IL1RAPL1: variants seen among roughly 807,000 people sequenced by gnomAD.
The protein encoded by IL1RAPL1 is interleukin 1 receptor accessory protein like 1.
Under a neutral mutation model 48.4 loss-of-function variants are expected in IL1RAPL1, and 3 were observed. The observed-to-expected ratio is 0.06, with a 90% confidence interval of 0.03 to 0.16. IL1RAPL1 has a LOEUF of 0.16. IL1RAPL1 is among the 10% of genes least tolerant of loss of function. IL1RAPL1 has a pLI of 1.00. For synonymous variants in IL1RAPL1, 185 were observed against 187.7 expected (o/e 0.99, Z 0.12); for missense variants, 349 against 530.6 (o/e 0.66, Z 3.36).
At chrX:29,260,423 G>C (rs1249649576) in intron 2 of IL1RAPL1, among the ~76,000 whole-genome samples, 1 of 112,079 alleles carries the variant, frequency 8.9e-6, no homozygotes, top group East Asian at 2.8e-4. Context: ...GCAAAGTCAT[G>C]TCTTACATGG....
chrX:29,040,048 T>C (rs1926812912), intron 2 of IL1RAPL1, among the ~76,000 whole-genome samples: 1 of 112,150 alleles, frequency 8.9e-6, no homozygotes, highest in African/African-American at 3.2e-5. Context: ...ATCAGGGGCC[T>C]AGATTTAAAA....
intron 2 of IL1RAPL1, among the ~76,000 whole-genome samples, chrX:28,826,854 A>G (rs985063455): frequency 3.6e-5 from 4 of 110,895 alleles, no homozygotes; most frequent in African/African-American, 1.3e-4. Flanking sequence ...GCTTCCCTAC[A>G]CCATAGTAGT....
intron 1 of IL1RAPL1, among the ~76,000 whole-genome samples, chrX:28,785,009 A>G (rs889034395): frequency 1.8e-5 from 2 of 112,117 alleles, no homozygotes; most frequent in Non-Finnish European, 1.9e-5. Flanking sequence ...TTTGAAAAAC[A>G]TTCAAAAACA....
At position 28,819,967 on chromosome X, in the gene IL1RAPL1, G is replaced by GATATATAT. The variant is rs764635166; in HGVS notation, c.82+30582_82+30589dup. Among the ~76,000 whole-genome samples, 68 of 26,736 alleles carry GATATATAT rather than the reference G, an allele frequency of 2.5e-3. 1 individual carries two copies. The highest frequency in any genetic ancestry group is 5.7e-3 in the Non-Finnish European group (62 of 10,920). The allele number at this position is 26,736 out of a possible 115,157, so 23.2% of individuals were successfully genotyped here. On this transcript the variant is annotated intron_variant, in intron 2 of 10. Transcript: ENST00000378993. ...TTTGTGATTACTGCATAAACATAGTGATATATATATATATATATATATATA... is the reference window on the plus strand; with the variant it reads ...TTTGTGATTACTGCATAAACATAGTGATATATATATATATATATATATATATATATATA...
At chrX:29,014,354 A>G (rs1317096196) in intron 2 of IL1RAPL1, among the ~76,000 whole-genome samples, 1 of 111,689 alleles carries the variant, frequency 9.0e-6, no homozygotes, top group Non-Finnish European at 1.9e-5. Flanking sequence ...ATATTTTTAA[A>G]TTTTTATCTT....
chrX:29,024,056 A>T (rs766673614), intron 2 of IL1RAPL1, among the ~76,000 whole-genome samples: 1 of 111,891 alleles, frequency 8.9e-6, no homozygotes, highest in Admixed American at 9.5e-5. Context: ...CATTTCATGT[A>T]ATTTATCAAA....
At chrX:29,109,842 G>T (rs775458170) in intron 2 of IL1RAPL1, among the ~76,000 whole-genome samples, 1 of 112,029 alleles carries the variant, frequency 8.9e-6, no homozygotes, top group South Asian at 3.7e-4. Context: ...CTGCAGTTCA[G>T]TTTGCTTCAA....
At chrX:29,033,130 T>C (rs967595482) in intron 2 of IL1RAPL1, among the ~76,000 whole-genome samples, 6 of 111,506 alleles carry the variant, frequency 5.4e-5, no homozygotes, top group Admixed American at 2.9e-4. Flanking sequence ...AAGTTCCTAA[T>C]TTTAATAAAT....
chrX:28,913,113 AT>A (rs1173467158), intron 2 of IL1RAPL1, among the ~76,000 whole-genome samples: 2 of 111,801 alleles, frequency 1.8e-5, no homozygotes, highest in African/African-American at 6.5e-5. Flanking sequence ...CTAATGAGCA[AT>A]GTAATGATCC....
In IL1RAPL1 at chrX:29,053,317, T is replaced by C. The variant is rs1298725225; in HGVS notation, c.83-229621T>C. On this transcript the variant is annotated intron_variant, in intron 2 of 10. Coordinates refer to ENST00000378993, the MANE Select transcript of IL1RAPL1 (RefSeq NM_014271.4). ...GGTTGATTCCACATCTTTGCTATTG[T>C]AAATAGTGCTGCAGTGAACATACAC... Among the ~76,000 whole-genome samples, 3 of 112,013 alleles carry C rather than the reference T, an allele frequency of 2.7e-5. No homozygotes were observed. The South Asian group carries it at 1.1e-3, about 42-fold the overall frequency.
intron 5 of IL1RAPL1, among the ~76,000 whole-genome samples, chrX:29,590,192 A>G (rs911048619): frequency 9.0e-6 from 1 of 110,704 alleles, no homozygotes; most frequent in African/African-American, 3.3e-5. Flanking sequence ...TTTGTGATAA[A>G]TCCACTCCCA....
chrX:29,515,329 T>C (rs1321903965), intron 5 of IL1RAPL1, among the ~76,000 whole-genome samples: 1 of 112,282 alleles, frequency 8.9e-6, no homozygotes, highest in Non-Finnish European at 1.9e-5. Flanking sequence ...GATATTGAAA[T>C]TGACATAGTC....
chrX:28,687,730 G>T (rs371931881), intron 1 of IL1RAPL1, among the ~76,000 whole-genome samples: 1 of 108,585 alleles, frequency 9.2e-6, no homozygotes, highest in Non-Finnish European at 1.9e-5. Context: ...TGCAGTGAGC[G>T]GAGATTGCAC....
chrX:29,108,742 CTT>C (rs1410458179), intron 2 of IL1RAPL1, among the ~76,000 whole-genome samples: 3 of 111,229 alleles, frequency 2.7e-5, no homozygotes, highest in Non-Finnish European at 5.6e-5. Flanking sequence ...TAGTATACGT[CTT>C]TGAGTAAATA....
At chrX:29,796,284 T>C (rs1264740276) in intron 6 of IL1RAPL1, among the ~76,000 whole-genome samples, 1 of 112,478 alleles carries the variant, frequency 8.9e-6, no homozygotes, top group African/African-American at 3.2e-5. Context: ...TACATGCCTA[T>C]GACAAACAAA....
chrX:28,710,912 C>T (rs185219975), intron 1 of IL1RAPL1, among the ~76,000 whole-genome samples: 19 of 112,007 alleles, frequency 1.7e-4, no homozygotes, highest in Admixed American at 5.7e-4. Context: ...TCATATTGAA[C>T]GACAGGTATA....
intron 1 of IL1RAPL1, among the ~76,000 whole-genome samples, chrX:28,627,327 G>A (rs913244857): frequency 1.5e-4 from 17 of 111,912 alleles, no homozygotes; most frequent in Non-Finnish European, 2.6e-4. Context: ...TTAAACGGGA[G>A]GGTGGGGAGT....
intron 8 of IL1RAPL1, among the ~76,000 whole-genome samples, chrX:29,936,196 G>A (rs1036336858): frequency 2.7e-5 from 3 of 110,227 alleles, no homozygotes; most frequent in African/African-American, 9.9e-5. Context: ...CCTCCTGCCA[G>A]GAACAAATAA....
At chrX:28,671,631 G>C (rs1159269147) in intron 1 of IL1RAPL1, among the ~76,000 whole-genome samples, 2 of 112,203 alleles carry the variant, frequency 1.8e-5, no homozygotes, top group South Asian at 7.3e-4. Context: ...TGGCCGGAGA[G>C]ATTAAAAACC....
Sources: gnomAD v4.1 joint callset for allele counts (sites outside exome capture counted in the v4.1 genomes callset) on GRCh38, gnomAD v4.1.1 for gene constraint, MANE v1.5 for transcripts, NCBI Gene and HGNC (gene_info 2026-07-23, HGNC 2026-07-21) for gene names.